The following NELL1 variants were observed in gnomAD, a reference collection of about 807,000 sequenced individuals.
NELL1 encodes the protein protein kinase C-binding protein NELL1.
In NELL1, 76 loss-of-function variants were observed where a neutral mutation model predicts 107.4. That is an observed-to-expected ratio of 0.71 (90% CI 0.59 to 0.86). The LOEUF (loss-of-function observed/expected upper bound fraction) is 0.86. Among genes scored for constraint, NELL1 ranks in the 40% least tolerant of loss-of-function variants. The pLI is 0.00. For synonymous variants in NELL1, 353 were observed against 341.2 expected, an observed-to-expected ratio of 1.03 and a Z score of -0.38; for missense variants, 1,024 against 1,005.5, an observed-to-expected ratio of 1.02 and a Z score of -0.25.
intron 13 of NELL1, among the ~76,000 whole-genome samples, chr11:21,159,445 A>C (rs1016571878): frequency 6.6e-6 from 1 of 152,232 alleles, no homozygotes; most frequent in Admixed American, 6.5e-5. Context: ...TGATCTTATT[A>C]GGATGCTGCT....
intron 12 of NELL1, among the ~76,000 whole-genome samples, chr11:20,996,759 TA>T (rs1852099136): frequency 6.6e-6 from 1 of 152,128 alleles, no homozygotes; most frequent in Admixed American, 6.5e-5. Context: ...GCAAATTGAG[TA>T]GCAAATTCTT....
At chr11:21,359,788 C>G (rs181390229) in intron 14 of NELL1, among the ~76,000 whole-genome samples, 2 of 152,178 alleles carry the variant, frequency 1.3e-5, no homozygotes, top group African/African-American at 4.8e-5. Context: ...TAGGTGTTCA[C>G]AGTAACCTTG....
intron 2 of NELL1, among the ~76,000 whole-genome samples, chr11:20,737,898 C>T (rs1422387241): frequency 1.3e-5 from 2 of 150,784 alleles, no homozygotes; most frequent in Non-Finnish European, 1.5e-5. Context: ...TTGGAACGAT[C>T]AGGAATTATA....
chr11:21,011,586 G>C (rs1263742013), intron 12 of NELL1, among the ~76,000 whole-genome samples: 1 of 152,172 alleles, frequency 6.6e-6, no homozygotes, highest in Non-Finnish European at 1.5e-5. Flanking sequence ...TCTCTCTGGA[G>C]CTGAAGTGGA....
intron 4 of NELL1, among the ~76,000 whole-genome samples, chr11:20,876,254 C>G (rs773134947): frequency 6.6e-6 from 1 of 152,128 alleles, no homozygotes; most frequent in Non-Finnish European, 1.5e-5. Flanking sequence ...TCTCTCTTCC[C>G]ATTACAGTCT....
intron 3 of NELL1, among the ~76,000 whole-genome samples, chr11:20,832,383 A>C (rs920200574): frequency 2.6e-5 from 4 of 152,166 alleles, no homozygotes; most frequent in Non-Finnish European, 5.9e-5. Flanking sequence ...TTTCAATTTT[A>C]CATTTATTAG....
intron 13 of NELL1, among the ~76,000 whole-genome samples, chr11:21,202,054 T>C (rs1015489497): frequency 1.3e-5 from 2 of 152,198 alleles, no homozygotes; most frequent in South Asian, 2.1e-4. Context: ...GCTTTTCTCA[T>C]TGATGTTCGT....
At chr11:21,377,504 T>A (rs1851507267) in intron 15 of NELL1, among the ~76,000 whole-genome samples, 1 of 152,052 alleles carries the variant, frequency 6.6e-6, no homozygotes, top group Non-Finnish European at 1.5e-5. Flanking sequence ...GCCTTTAGTT[T>A]TCTTTTATCA....
intron 2 of NELL1, among the ~76,000 whole-genome samples, chr11:20,774,429 A>T: frequency 7.9e-6 from 1 of 127,232 alleles, no homozygotes; most frequent in South Asian, 2.6e-4. Context: ...GGTCTTTCTC[A>T]CTATGTTCCT....
At chr11:20,745,893 A>T (rs116470341) in intron 2 of NELL1, among the ~76,000 whole-genome samples, 1,919 of 152,222 alleles carry the variant, frequency 0.013, 36 homozygotes, top group African/African-American at 0.044. Flanking sequence ...TTGTCCTCTG[A>T]CTCTGAGCTT....
intron 15 of NELL1, among the ~76,000 whole-genome samples, chr11:21,462,299 A>G (rs1853918667): frequency 6.6e-6 from 1 of 152,122 alleles, no homozygotes; most frequent in Non-Finnish European, 1.5e-5. Context: ...ATGTCAAGGG[A>G]TATACTAACT....
intron 4 of NELL1, among the ~76,000 whole-genome samples, chr11:20,877,750 T>C (rs1411851501): frequency 6.6e-6 from 1 of 152,204 alleles, no homozygotes; most frequent in Non-Finnish European, 1.5e-5. Context: ...TGACTAGATG[T>C]TTAATTTTAC....
chr11:21,337,565 G>A (rs1449256050), intron 14 of NELL1, among the ~76,000 whole-genome samples: 1 of 152,172 alleles, frequency 6.6e-6, no homozygotes, highest in African/African-American at 2.4e-5. Context: ...ATAGCCCATT[G>A]GCTAGAATTA....
intron 13 of NELL1, among the ~76,000 whole-genome samples, chr11:21,182,805 GT>G (rs1428385508): frequency 6.6e-6 from 1 of 151,774 alleles, no homozygotes; most frequent in East Asian, 1.9e-4. Context: ...AGCTGATATT[GT>G]TATCTGAGGG....
At position 20,692,016 on chromosome 11, in the gene NELL1, A is replaced by G. The variant is rs562979982; in HGVS notation, c.184+13956A>G. 6.0e-3 allele frequency among the ~76,000 whole-genome samples: 908 copies of G among 151,440 alleles called. 4 individuals carry two copies. Among genetic ancestry groups the G allele is most frequent in the Non-Finnish European group, 9.3e-3 (630 of 67,704 alleles). ...CTTCTTCCTGGTTTAGTCTTGGGAG[A>G]GTGTATGTGTCGAGGAATTTATCCA... is the stretch of plus-strand genomic sequence containing the variant. On this transcript the variant is annotated intron_variant, in intron 2 of 19. Transcript: ENST00000357134.
chr11:21,405,796 T>C (rs997006383), intron 15 of NELL1, among the ~76,000 whole-genome samples: 10 of 151,932 alleles, frequency 6.6e-5, no homozygotes, highest in African/African-American at 2.4e-4. Context: ...CTACTAAAAA[T>C]GGCCATTATT....
chr11:20,837,668 A>G (rs981421367), intron 3 of NELL1, among the ~76,000 whole-genome samples: 2 of 152,148 alleles, frequency 1.3e-5, no homozygotes, highest in Non-Finnish European at 2.9e-5. Context: ...ATAAAACAAA[A>G]CAAGAAACAT....
intron 15 of NELL1, among the ~76,000 whole-genome samples, chr11:21,429,334 T>C (rs1852910917): frequency 1.3e-5 from 2 of 152,222 alleles, no homozygotes; most frequent in African/African-American, 4.8e-5. Flanking sequence ...GAATGAAATA[T>C]GATTCAAATG....
intron 12 of NELL1, among the ~76,000 whole-genome samples, chr11:21,043,858 G>A (rs573347925): frequency 4.3e-4 from 66 of 152,242 alleles, no homozygotes; most frequent in Middle Eastern, 6.8e-3. Context: ...TTTAGTAACC[G>A]CAGATAATGG....
Sources: gnomAD v4.1 joint callset for allele counts (sites outside exome capture counted in the v4.1 genomes callset) on GRCh38, gnomAD v4.1.1 for gene constraint, MANE v1.5 for transcripts, NCBI Gene and HGNC (gene_info 2026-07-23, HGNC 2026-07-21) for gene names.